SPAST: variants seen among roughly 807,000 people sequenced by gnomAD.
SPAST encodes spastic paraplegia 4 (autosomal dominant; spastin).
A neutral mutation model predicts 76.6 loss-of-function variants in SPAST; 30 were observed. That is an observed-to-expected ratio of 0.39 (90% CI 0.29 to 0.53). SPAST has a LOEUF of 0.53. SPAST is among the 20% of genes least tolerant of loss of function. SPAST has a pLI of 0.68. For missense variants in SPAST, 717 were observed against 770.5 expected (o/e 0.93, Z 0.82); for synonymous variants, 305 against 281.0 (o/e 1.09, Z -0.86).
intron 16 of SPAST, 22 bp downstream of exon 16, chr2:32,147,280 T>A: frequency 6.5e-7 from 1 of 1,538,710 alleles, no homozygotes; most frequent in Non-Finnish European, 9.0e-7. Context: ...TACAATGATA[T>A]TTTCTTTGTC....
chr2:32,150,415 T>G (rs1202860313), intron 16 of SPAST, among the ~76,000 whole-genome samples: 1 of 150,854 alleles, frequency 6.6e-6, no homozygotes, highest in Admixed American at 6.6e-5. Flanking sequence ...TTCTAACTTA[T>G]TTAATTTAAT....
At chr2:32,154,341 A>G (rs1680182281) in intron 16 of SPAST, 33 bp from the exon 17 acceptor site, 1 of 1,595,062 alleles carries the variant, frequency 6.3e-7, no homozygotes, top group Admixed American at 1.7e-5. Context: ...CCTGTTGATC[A>G]TTTGTATTGT....
intron 4 of SPAST, among the ~76,000 whole-genome samples, chr2:32,113,560 C>CT (rs10534612): frequency 0.01 from 942 of 90,934 alleles, 25 homozygotes; most frequent in Non-Finnish European, 0.013. Context: ...TGCTTCATAA[C>CT]TTTTTTTTTT....
At chr2:32,069,366 T>A (rs62142107) in intron 1 of SPAST, among the ~76,000 whole-genome samples, 12,184 of 152,164 alleles carry the variant, frequency 0.08, 589 homozygotes, top group Middle Eastern at 0.12. Context: ...TTGGCTGTCC[T>A]TGACAACACA....
chr2:32,067,969 C>T (rs1203898033), intron 1 of SPAST, among the ~76,000 whole-genome samples: 2 of 149,132 alleles, frequency 1.3e-5, no homozygotes, highest in Admixed American at 1.3e-4. Context: ...ATTTTGATTT[C>T]TTTTCTCTTT....
chr2:32,083,373 T>C (rs1252116578), intron 1 of SPAST, among the ~76,000 whole-genome samples: 2 of 152,082 alleles, frequency 1.3e-5, no homozygotes, highest in Admixed American at 6.6e-5. Context: ...GTGGTAAATA[T>C]ATGTTTAATG....
chr2:32,114,695 C>G lies in SPAST; in HGVS notation c.740C>G (p.Pro247Arg), dbSNP rs1316217696. The G allele has an allele frequency of 6.2e-7, 1 of 1,614,070 alleles. No homozygotes were observed. Among genetic ancestry groups the G allele is most frequent in the Non-Finnish European group, 8.5e-7 (1 of 1,179,972 alleles). ...DPLTHTSNSL[P>R]RSKTVMKTGS... The stretch of plus-strand genomic sequence containing the variant: ...TTAACACACACTAGTAATTCACTGC[C>G]TCGTTCAAAAACAGTTATGAAAACT... Residue 247 changes from proline (P) to arginine (R), a missense_variant, in exon 5 of 17, where the codon CCT becomes CGT. Transcript: ENST00000315285.
chr2:32,087,057 A>AT (rs1677509903), intron 1 of SPAST, among the ~76,000 whole-genome samples: 1 of 152,182 alleles, frequency 6.6e-6, no homozygotes, highest in African/African-American at 2.4e-5. Context: ...CAATTGTTAA[A>AT]TAAAAACTTC....
rs1194396190 is a variant in SPAST, at chr2:32,093,172, G to A, written c.586+3567G>A. On this transcript the variant is annotated intron_variant, in intron 3 of 16. Coordinates refer to ENST00000315285, the MANE Select transcript of SPAST (RefSeq NM_014946.4). ...AAAAATACAAAAAAATTAGCCGGGC[G>A]TAGTGGCGGGCGCCTGTAGTCCCAG... is the stretch of plus-strand genomic sequence containing the variant. Among the ~76,000 whole-genome samples the A allele has an allele frequency of 1.3e-4, 20 of 151,110 alleles. No homozygotes were observed. The East Asian group carries it at 1.8e-3, about 13-fold the overall frequency.
intron 16 of SPAST, among the ~76,000 whole-genome samples, chr2:32,150,951 C>CTTTTTTTATT (rs1680063225): frequency 7.0e-6 from 1 of 143,352 alleles, no homozygotes; most frequent in Non-Finnish European, 1.5e-5. Flanking sequence ...CTACTGTATA[C>CTTTTTTTATT]TTTTTTTTTT....
At chr2:32,150,262 T>TA (rs1680036371) in intron 16 of SPAST, among the ~76,000 whole-genome samples, 4 of 140,976 alleles carry the variant, frequency 2.8e-5, no homozygotes, top group Non-Finnish European at 4.6e-5. Flanking sequence ...TTTTTTTTTT[T>TA]TGTATTTGTA....
intron 16 of SPAST, among the ~76,000 whole-genome samples, chr2:32,151,390 A>G (rs1169122030): frequency 6.6e-6 from 1 of 152,214 alleles, no homozygotes; most frequent in Non-Finnish European, 1.5e-5. Context: ...AACACTATGT[A>G]AAGATCCATT....
chr2:32,150,591 C>T (rs1234376492), intron 16 of SPAST, among the ~76,000 whole-genome samples: 1 of 151,692 alleles, frequency 6.6e-6, no homozygotes, highest in Non-Finnish European at 1.5e-5. Context: ...GCATGTACCA[C>T]CACACTCAGC....
chr2:32,075,925 G>A (rs1426068422), intron 1 of SPAST, among the ~76,000 whole-genome samples: 1 of 102,058 alleles, frequency 9.8e-6, no homozygotes, highest in Non-Finnish European at 1.8e-5. Context: ...TTTTGAGACA[G>A]AGTCTCGCTC....
intron 4 of SPAST, among the ~76,000 whole-genome samples, chr2:32,103,307 G>A (rs971039890): frequency 4.8e-4 from 73 of 152,070 alleles, no homozygotes; most frequent in African/African-American, 1.6e-3. Flanking sequence ...GGAATCGGTG[G>A]TGATATCCCC....
At chr2:32,147,994 G>A (rs868294194) in intron 16 of SPAST, among the ~76,000 whole-genome samples, 1 of 149,696 alleles carries the variant, frequency 6.7e-6, no homozygotes, top group Admixed American at 6.7e-5. Context: ...GTGCAGTGGT[G>A]CAATCGTGGC....
At chr2:32,100,270 G>C (rs1678070866) in intron 4 of SPAST, among the ~76,000 whole-genome samples, 1 of 149,098 alleles carries the variant, frequency 6.7e-6, no homozygotes, top group Admixed American at 6.7e-5. Flanking sequence ...ACGATGTTGA[G>C]CATTTTTTCA....
intron 16 of SPAST, among the ~76,000 whole-genome samples, chr2:32,147,821 C>T (rs1263882767): frequency 2.7e-5 from 4 of 150,700 alleles, no homozygotes; most frequent in Non-Finnish European, 5.9e-5. Context: ...TTAGTAGAGA[C>T]GGGGTTTCAC....
At chr2:32,072,635 T>C (rs1263569093) in intron 1 of SPAST, among the ~76,000 whole-genome samples, 1 of 152,180 alleles carries the variant, frequency 6.6e-6, no homozygotes, top group Non-Finnish European at 1.5e-5. Context: ...TGCTTACCGG[T>C]TTATAAAAAG....
Sources: allele counts gnomAD v4.1 joint callset (sites outside exome capture counted in the v4.1 genomes callset), GRCh38; gene constraint gnomAD v4.1.1; transcripts MANE v1.5; gene names NCBI Gene and HGNC (gene_info 2026-07-23, HGNC 2026-07-21).